The following EHMT2 variants were observed in gnomAD, a reference collection of about 807,000 sequenced individuals.
The protein encoded by EHMT2 is histone-lysine N-methyltransferase EHMT2.
In EHMT2, 59 loss-of-function variants were observed where a neutral mutation model predicts 143.3. The ratio of observed to expected loss-of-function variants is 0.41; its 90% CI spans 0.33 to 0.51. EHMT2 has a LOEUF of 0.51. EHMT2 is among the 20% of genes least tolerant of loss of function. The pLI is 0.18. For missense variants in EHMT2, 1,174 were observed against 1,645.9 expected (o/e 0.71, Z 4.96); for synonymous variants, 604 against 651.5 (o/e 0.93, Z 1.11).
Position 31,887,190 on chromosome 6 carries a change from T to C in EHMT2, c.2012-89A>G, listed in dbSNP as rs972296931. Reference sequence around the variant, plus strand: ...GTGGCACTTCTTTCAGGAAGGCTTCTCAGGGCCCCAAGCTGGATCAGGGCC... The same window carrying C: ...GTGGCACTTCTTTCAGGAAGGCTTCCCAGGGCCCCAAGCTGGATCAGGGCC... On this transcript the variant is annotated intron_variant, in intron 15 of 27. Coordinates refer to ENST00000375537, the Ensembl canonical transcript of EHMT2. 3.3e-5 allele frequency: 37 copies of C among 1,124,598 alleles called. No individual in the cohort carries two copies. The African/African-American group carries it at 5.1e-4, about 16-fold the overall frequency. 69.7% of individuals were successfully genotyped at this position (1,124,598 alleles called of 1,614,324 possible). A position where few individuals can be genotyped will look rare whatever the true frequency, so the allele number is the denominator to read the frequency against.
intron 18 of EHMT2, 49 bp from the exon 19 acceptor site, chr6:31,885,065 A>G: frequency 6.4e-7 from 1 of 1,560,924 alleles, no homozygotes; most frequent in Non-Finnish European, 8.7e-7. Flanking sequence ...CCTGCTCACC[A>G]AAGCAGCAAA....
exon 15 of EHMT2, chr6:31,887,597 T>C (rs1441670552): frequency 6.2e-7 from 1 of 1,612,968 alleles, no homozygotes; most frequent in Non-Finnish European, 8.5e-7. Context: ...GATCACCTTC[T>C]GCAGCTCGCC....
chr6:31,885,232 C>G, intron 18 of EHMT2: 1 of 519,728 alleles, frequency 1.9e-6, no homozygotes, highest in Non-Finnish European at 3.3e-6. Flanking sequence ...AATCCCAGCA[C>G]TTTGGGAGGC....
Position 31,888,546 on chromosome 6 carries a change from T to G in EHMT2, c.1366-40A>C. ...GATGGGTGAGAAGAGAGCGTGAGGC[T>G]GGGGCCGGGGACTGGACGCCCTGGC... On this transcript the variant is annotated intron_variant, in intron 11 of 27. Transcript: ENST00000375537. The surrounding 1 kb of genome is among the most constrained non-coding windows in gnomAD (Gnocchi z 7.4). 1 of 1,609,776 alleles carries G rather than the reference T, an allele frequency of 6.2e-7. No homozygotes were observed. Among genetic ancestry groups the G allele is most frequent in the Non-Finnish European group, 8.5e-7 (1 of 1,178,604 alleles).
intron 4 of EHMT2, chr6:31,895,432 C>A (rs563609951): frequency 2.0e-5 from 3 of 151,640 alleles, no homozygotes; most frequent in Non-Finnish European, 4.4e-5. Flanking sequence ...CTAACTCCTA[C>A]GCAGTGTGCC....
intron 4 of EHMT2, chr6:31,893,350 T>C: frequency 2.2e-6 from 1 of 450,972 alleles, no homozygotes; most frequent in Admixed American, 2.4e-5. Context: ...AGATAAGGTC[T>C]CATTCTGTTA....
chr6:31,883,749 A>G lies in EHMT2; in HGVS notation c.2916+57T>C. On this transcript the variant is annotated intron_variant, in intron 22 of 27. Coordinates refer to ENST00000375537, the Ensembl canonical transcript of EHMT2. The surrounding 1 kb of genome is among the most constrained non-coding windows in gnomAD (Gnocchi z 5.6). ...GCCTTTGCTGGTTTGAAGCTTGTCC[A>G]ACTGTACTTGGCAGCTCTCGGTGTC... The G allele has an allele frequency of 6.3e-7, 1 of 1,587,172 alleles. No individual in the cohort carries two copies.
intron 4 of EHMT2, among the ~76,000 whole-genome samples, chr6:31,895,138 T>G (rs1277750906): frequency 6.6e-6 from 1 of 152,182 alleles, no homozygotes; most frequent in Non-Finnish European, 1.5e-5. Flanking sequence ...GCAAAATTGA[T>G]CAGGCTCAGC....
Position 31,880,243 on chromosome 6 carries a change from G to A in EHMT2, c.3474C>T (p.Phe1158=). The A allele has an allele frequency of 6.2e-7, 1 of 1,612,462 alleles. No individual in the cohort carries two copies. The change falls in exon 28 of 28, where the codon TTC becomes TTT. Residue 1158 remains phenylalanine, a synonymous_variant. Transcript: ENST00000375537. This position sits in a 1 kb window ranked among gnomAD's most constrained non-coding sequence, Gnocchi z 6.6. ...TGAAATATTTGCTTTTGATGTCCCA[G>A]AAGCGGTCGCCATAGTCAAACCTGT...
At position 31,889,126 on chromosome 6, in the gene EHMT2, G is replaced by T; in HGVS notation, c.1115-56C>A. Reference sequence around the variant, plus strand: ...GAGCTCACAGGTGCCTGGACGCGTGGGTACATGCAGGTGGACATGCGAGAG... The same window carrying T: ...GAGCTCACAGGTGCCTGGACGCGTGTGTACATGCAGGTGGACATGCGAGAG... On this transcript the variant is annotated intron_variant, in intron 9 of 27. Transcript: ENST00000375537. The surrounding 1 kb of genome is among the most constrained non-coding windows in gnomAD (Gnocchi z 5.1). 1.3e-6 allele frequency: 2 copies of T among 1,530,514 alleles called. No homozygotes were observed. The highest frequency in any genetic ancestry group is 8.9e-7 in the Non-Finnish European group (1 of 1,121,300). The allele number at this position is 1,530,514 out of a possible 1,614,324, so 94.8% of individuals were successfully genotyped here.
At chr6:31,897,672 C>T (rs1766762185) in exon 1 of EHMT2, 2 of 1,149,358 alleles carry the variant, frequency 1.7e-6, no homozygotes, top group Non-Finnish European at 2.2e-6. Flanking sequence ...CCGCCGCCGC[C>T]GCCATCGCCG....
chr6:31,881,241 G>T lies in EHMT2; in HGVS notation c.3198-149C>A. The stretch of plus-strand genomic sequence containing the variant: ...GGAAGGCCTGGAGCAGCAGTGGTGG[G>T]CAAGTGAAAGGGCAGCATTCCAGCC... On this transcript the variant is annotated intron_variant, in intron 25 of 27. Coordinates refer to ENST00000375537, the Ensembl canonical transcript of EHMT2. The surrounding 1 kb of genome is among the most constrained non-coding windows in gnomAD (Gnocchi z 4.8). 2.8e-6 allele frequency: 2 copies of T among 710,104 alleles called. No individual in the cohort carries two copies. Among genetic ancestry groups the T allele is most frequent in the Non-Finnish European group, 5.0e-6 (2 of 397,094 alleles). The allele number at this position is 710,104 out of a possible 1,614,324, so 44.0% of individuals were successfully genotyped here.
intron 14 of EHMT2, 51 bp downstream of exon 14, chr6:31,887,728 A>T: frequency 1.2e-6 from 2 of 1,605,352 alleles, no homozygotes; most frequent in Middle Eastern, 1.7e-4. Context: ...CCTCGACACC[A>T]CTCCTCTGGC....
At chr6:31,893,020 C>T in intron 4 of EHMT2, 110 bp from the exon 5 acceptor site, 2 of 653,444 alleles carry the variant, frequency 3.1e-6, no homozygotes, top group Non-Finnish European at 5.2e-6. Context: ...CTCCAAATGC[C>T]ATGTGAGGCT....
At chr6:31,892,980 C>T in intron 4 of EHMT2, 70 bp from the exon 5 acceptor site, 1 of 1,057,672 alleles carries the variant, frequency 9.5e-7, no homozygotes, top group Non-Finnish European at 1.4e-6. Flanking sequence ...AGCCTGGAGC[C>T]CCAGGCGGGG....
chr6:31,888,499 C>A lies in EHMT2; in HGVS notation c.1373G>T (p.Gly458Val). 1 of 1,612,408 alleles carries A rather than the reference C, an allele frequency of 6.2e-7. No homozygotes were observed. The change falls in exon 12 of 28, where the codon GGC becomes GTC. Residue 458 changes from glycine (G) to valine (V), a missense_variant. By Grantham distance (109) the Gly-to-Val change is moderately radical. Around this residue, in one of 6 missense-constraint regions of EHMT2, gnomAD observed 608 missense variants for 903.7 expected, o/e 0.67. Transcript: ENST00000375537. This position sits in a 1 kb window ranked among gnomAD's most constrained non-coding sequence, Gnocchi z 7.4. ...CCGCTTGAGGATGGCGGCATTGCAG[C>A]CTGACAGCTGTGCGCAGTGAGGATG...
intron 4 of EHMT2, among the ~76,000 whole-genome samples, chr6:31,894,492 AG>A (rs1428032889): frequency 2.0e-5 from 3 of 151,776 alleles, no homozygotes; most frequent in African/African-American, 7.3e-5. Context: ...TATGTTGGCC[AG>A]GCTGGTCTCA....
exon 14 of EHMT2, chr6:31,887,869 G>C (rs542732963): frequency 6.2e-7 from 1 of 1,611,778 alleles, no homozygotes; most frequent in Non-Finnish European, 8.5e-7. Context: ...GCCCCCATTG[G>C]GCAGGGTCAG....
chr6:31,889,724 T>G lies in EHMT2; in HGVS notation c.865-122A>C. The G allele has an allele frequency of 3.1e-6, 4 of 1,282,914 alleles. No individual in the cohort carries two copies. The highest frequency in any genetic ancestry group is 4.4e-6 in the Non-Finnish European group (4 of 908,102). 79.5% of individuals were successfully genotyped at this position (1,282,914 alleles called of 1,614,324 possible). On this transcript the variant is annotated intron_variant, in intron 7 of 27. Transcript: ENST00000375537. The surrounding 1 kb of genome is among the most constrained non-coding windows in gnomAD (Gnocchi z 5.1). Reference sequence around the variant, plus strand: ...CACGGATGGCTGCTGGGGATAAGTGTGGGTAGCAGAGGAGACAAAGGGCCA... The same window carrying G: ...CACGGATGGCTGCTGGGGATAAGTGGGGGTAGCAGAGGAGACAAAGGGCCA...
Sources: allele counts gnomAD v4.1 joint callset (sites outside exome capture counted in the v4.1 genomes callset), GRCh38; gene constraint gnomAD v4.1.1; regional missense constraint gnomAD v4.1.1; non-coding constraint Gnocchi (gnomAD v3.1); transcripts MANE v1.5; gene names NCBI Gene and HGNC (gene_info 2026-07-23, HGNC 2026-07-21).